ACOT11: variants seen among roughly 807,000 people sequenced by gnomAD.
ACOT11 encodes the protein acyl-CoA thioesterase 11, also known as acyl-coenzyme A thioesterase 11.
Under a neutral mutation model 77.5 loss-of-function variants are expected in ACOT11, and 69 were observed. That is an observed-to-expected ratio of 0.89 (90% CI 0.73 to 1.09). The LOEUF is 1.09. ACOT11 is among the 50% of genes least tolerant of loss of function. The pLI, the probability that ACOT11 is intolerant of heterozygous loss-of-function variation, is 0.00. For synonymous variants in ACOT11, 279 were observed against 313.0 expected, an observed-to-expected ratio of 0.89 and a Z score of 1.15; for missense variants, 766 against 813.7, an observed-to-expected ratio of 0.94 and a Z score of 0.71.
At chr1:54,564,214 T>G (rs1653655537) in intron 1 of ACOT11, among the ~76,000 whole-genome samples, 1 of 152,008 alleles carries the variant, frequency 6.6e-6, no homozygotes, top group Non-Finnish European at 1.5e-5. Context: ...CACTCCAACC[T>G]GGGTGACAGA....
intron 6 of ACOT11, among the ~76,000 whole-genome samples, chr1:54,595,553 G>A (rs927885445): frequency 2.6e-5 from 4 of 152,084 alleles, no homozygotes; most frequent in Non-Finnish European, 4.4e-5. Flanking sequence ...CCATTTTAGG[G>A]TATCTTTCCA....
intron 1 of ACOT11, among the ~76,000 whole-genome samples, chr1:54,580,569 T>G (rs1327156183): frequency 6.6e-6 from 1 of 152,242 alleles, no homozygotes; most frequent in Non-Finnish European, 1.5e-5. Flanking sequence ...TCCTTTTTGC[T>G]GTTCCTTATG....
At chr1:54,611,829 G>C, downstream of ACOT11, 1 of 1,536,942 alleles carries the variant, frequency 6.5e-7, no homozygotes, top group Non-Finnish European at 8.9e-7. Context: ...CTGGATGTCA[G>C]CTGGGCGCAG....
At chr1:54,583,008 C>T (rs558926920) in intron 1 of ACOT11, among the ~76,000 whole-genome samples, 2 of 152,258 alleles carry the variant, frequency 1.3e-5, no homozygotes, top group Non-Finnish European at 2.9e-5. Flanking sequence ...TCCCACACCC[C>T]GAAAGCCAGC....
intron 1 of ACOT11, among the ~76,000 whole-genome samples, chr1:54,553,008 G>A (rs1009692583): frequency 6.6e-6 from 1 of 150,642 alleles, no homozygotes; most frequent in African/African-American, 2.4e-5. Context: ...TGCATTTTTA[G>A]TAGAGATGGG....
At chr1:54,608,128 A>G in intron 15 of ACOT11, 60 bp downstream of exon 15, 1 of 1,554,984 alleles carries the variant, frequency 6.4e-7, no homozygotes. Context: ...CCACACGTGT[A>G]TTGAGCTCAG....
intron 13 of ACOT11, among the ~76,000 whole-genome samples, chr1:54,606,018 T>A (rs1043212084): frequency 1.3e-5 from 2 of 152,182 alleles, no homozygotes; most frequent in East Asian, 3.9e-4. Context: ...CTTGGTGAAT[T>A]GTATTTTGAC....
chr1:54,591,379 G>A (rs539513721), intron 3 of ACOT11, among the ~76,000 whole-genome samples: 1 of 152,280 alleles, frequency 6.6e-6, no homozygotes, highest in African/African-American at 2.4e-5. Context: ...GCTCTGTAGT[G>A]TGATGGTTAA....
At chr1:54,616,306 C>T in intron 15 of ACOT11, 1 of 753,724 alleles carries the variant, frequency 1.3e-6, no homozygotes, top group Non-Finnish European at 2.1e-6. Context: ...TTCACCCACA[C>T]TTCCATCATA....
chr1:54,581,960 A>G (rs1471457677), intron 1 of ACOT11, among the ~76,000 whole-genome samples: 2 of 151,836 alleles, frequency 1.3e-5, no homozygotes, highest in Admixed American at 6.5e-5. Flanking sequence ...GGAGTCTGAA[A>G]GGCTATGCCT....
rs142186817 is a variant in ACOT11, at chr1:54,593,825, A to G, written c.373-116A>G. Reference sequence around the variant, plus strand: ...GCCTCCCAGACCTGGTAGGTGGTGCAGAAACTCTGGAGGCCTGGCCTGGGC... The same window carrying G: ...GCCTCCCAGACCTGGTAGGTGGTGCGGAAACTCTGGAGGCCTGGCCTGGGC... On this transcript the variant is annotated intron_variant, in intron 4 of 15. Transcript: ENST00000343744. 1.2e-3 allele frequency: 1,012 copies of G among 840,078 alleles called. 5 individuals carry two copies. In the African/African-American group the frequency reaches 0.014, roughly 12 times the overall value. The allele number at this position is 840,078 out of a possible 1,614,324, so 52.0% of individuals were successfully genotyped here. A position where few individuals can be genotyped will look rare whatever the true frequency, so the allele number is the denominator to read the frequency against.
At chr1:54,638,388 T>C (rs925864739) in exon 17 of ACOT11, 1 of 152,104 alleles carries the variant, frequency 6.6e-6, no homozygotes, top group African/African-American at 2.4e-5. Context: ...GAGACAGCCT[T>C]GCTCTGTTGC....
Position 54,609,717 on chromosome 1 carries a change from A to G in ACOT11, c.*605A>G. 6.2e-7 allele frequency: 1 copy of G among 1,614,126 alleles called. No homozygotes were observed. The highest frequency in any genetic ancestry group is 8.5e-7 in the Non-Finnish European group (1 of 1,180,008). Reference sequence around the variant, plus strand: ...GCCCCAACCCACACAGGCCAATGCAAGAGGCCAAGGCTGGAGAGGCGTGCC... The same window carrying G: ...GCCCCAACCCACACAGGCCAATGCAGGAGGCCAAGGCTGGAGAGGCGTGCC... On this transcript the variant is annotated 3_prime_UTR_variant, in exon 16 of 16. Transcript: ENST00000343744.
downstream of ACOT11, chr1:54,614,755 C>T (rs746798391): frequency 8.1e-6 from 13 of 1,614,068 alleles, no homozygotes; most frequent in African/African-American, 1.3e-5. Flanking sequence ...AAGATGTCAG[C>T]GTTGATCCAT....
In ACOT11 at chr1:54,631,589, C is replaced by T. The variant is rs190974348; in HGVS notation, c.1782+703C>T. 5.0e-3 allele frequency among the ~76,000 whole-genome samples: 767 copies of T among 152,228 alleles called. 3 individuals carry two copies. The highest frequency in any genetic ancestry group is 8.1e-3 in the Non-Finnish European group (553 of 68,016). ...ATTAATAGGACTGCAGACCAACTTT[C>T]GGGGGTTGGCGGCTGGGCTGGTTTC... On this transcript the variant is annotated intron_variant, in intron 16 of 16. Transcript: ENST00000371316.
In ACOT11 at chr1:54,601,413, C is replaced by T. The variant is rs201744019; in HGVS notation, c.1029C>T (p.Gly343=). The T allele has an allele frequency of 9.4e-5, 152 of 1,611,302 alleles. No homozygotes were observed. Among genetic ancestry groups the T allele is most frequent in the Non-Finnish European group, 9.8e-5 (116 of 1,179,702 alleles). ...TGCCCTGGATTCGGCCCCAGCCCGG[C>T]GTAAGTGGGACCAGCGCCCTGCCCC... ...QLLPWIRPQP[G]DGERRYREAS... is the part of the protein sequence containing the mutation. The change falls in exon 9 of 16, where the codon GGC becomes GGT. Residue 343 remains glycine (G), a splice_region_variant and synonymous_variant. Coordinates refer to ENST00000343744, the MANE Select transcript of ACOT11 (RefSeq NM_147161.4).
chr1:54,582,198 C>T (rs987418127), intron 1 of ACOT11, among the ~76,000 whole-genome samples: 1 of 152,200 alleles, frequency 6.6e-6, no homozygotes, highest in Non-Finnish European at 1.5e-5. Flanking sequence ...AGGCCCTGGA[C>T]TCCTGGAACC....
intron 1 of ACOT11, among the ~76,000 whole-genome samples, chr1:54,562,825 C>T (rs1219861166): frequency 3.6e-5 from 4 of 110,728 alleles, no homozygotes; most frequent in Non-Finnish European, 5.8e-5. Context: ...CGGGCAGAGA[C>T]GCTCCTCACT....
At chr1:54,573,937 G>T (rs1020567335) in intron 1 of ACOT11, among the ~76,000 whole-genome samples, 173 of 151,814 alleles carry the variant, frequency 1.1e-3, no homozygotes, top group Middle Eastern at 0.01. Flanking sequence ...GCTGTGGCAG[G>T]AGAATCGCTT....
Sources: allele counts gnomAD v4.1 joint callset (sites outside exome capture counted in the v4.1 genomes callset), GRCh38; gene constraint gnomAD v4.1.1; transcripts MANE v1.5; gene names NCBI Gene and HGNC (gene_info 2026-07-23, HGNC 2026-07-21).